LPAR1: variants seen among roughly 807,000 people sequenced by gnomAD.
LPAR1 encodes the protein lysophosphatidic acid receptor 1, also known as LPA receptor 1.
LPAR1 carries 5 observed loss-of-function variants against 23.8 expected under a neutral mutation model. That is an observed-to-expected ratio of 0.21 (90% CI 0.11 to 0.44). The LOEUF (loss-of-function observed/expected upper bound fraction) is 0.44. LPAR1 is among the 20% of genes least tolerant of loss of function. The pLI is 0.99. For missense variants in LPAR1, 311 were observed against 482.8 expected (o/e 0.64, Z 3.33); for synonymous variants, 160 against 164.7 (o/e 0.97, Z 0.22).
At chr9:110,913,785 A>G (rs1296942455) in intron 5 of LPAR1, among the ~76,000 whole-genome samples, 1 of 152,182 alleles carries the variant, frequency 6.6e-6, no homozygotes. Flanking sequence ...CTTCTTAGGC[A>G]GTGGGGATCC....
intron 2 of LPAR1, among the ~76,000 whole-genome samples, chr9:110,976,602 A>T (rs1361411151): frequency 6.6e-6 from 1 of 152,092 alleles, no homozygotes; most frequent in Non-Finnish European, 1.5e-5. Context: ...TTGAGCTTCA[A>T]AACTGTGTTC....
intron 4 of LPAR1, among the ~76,000 whole-genome samples, chr9:110,957,267 G>A (rs1275033178): frequency 1.5e-4 from 22 of 151,134 alleles, no homozygotes; most frequent in Admixed American, 1.4e-3. Flanking sequence ...TGAGGCAAGA[G>A]GAACCCTTGA....
At chr9:110,957,765 C>T (rs2095812840) in intron 4 of LPAR1, among the ~76,000 whole-genome samples, 1 of 152,096 alleles carries the variant, frequency 6.6e-6, no homozygotes, top group Admixed American at 6.5e-5. Context: ...GAAATAAAGG[C>T]ATCCAAATTG....
At chr9:110,888,565 GAAA>G (rs35200514) in intron 5 of LPAR1, among the ~76,000 whole-genome samples, 5,027 of 128,324 alleles carry the variant, frequency 0.039, 269 homozygotes, top group African/African-American at 0.12. Flanking sequence ...GAACCCAGCA[GAAA>G]AAAAAAAAAA....
At chr9:111,035,835 A>G (rs926143793) in intron 2 of LPAR1, among the ~76,000 whole-genome samples, 1 of 152,208 alleles carries the variant, frequency 6.6e-6, no homozygotes. Context: ...TGAAAATGAT[A>G]CAGTGTATTC....
chr9:110,982,114 C>T (rs986349810), intron 2 of LPAR1, among the ~76,000 whole-genome samples: 1 of 152,144 alleles, frequency 6.6e-6, no homozygotes, highest in African/African-American at 2.4e-5. Context: ...ACTCAGCCAT[C>T]CCATTACTGG....
At chr9:110,883,039 A>G (rs543707421) in intron 5 of LPAR1, among the ~76,000 whole-genome samples, 100 of 152,098 alleles carry the variant, frequency 6.6e-4, no homozygotes, top group Non-Finnish European at 1.3e-3. Context: ...TATATCTTGA[A>G]TTTTATTTTA....
intron 5 of LPAR1, among the ~76,000 whole-genome samples, chr9:110,940,041 C>T (rs1309073120): frequency 6.6e-6 from 1 of 152,124 alleles, no homozygotes; most frequent in African/African-American, 2.4e-5. Flanking sequence ...AATAAACATA[C>T]AGAGAAACCA....
At position 110,874,166 on chromosome 9, in the gene LPAR1, C is replaced by A. The variant is rs180838916; in HGVS notation, c.*1255G>T. 1.3e-5 allele frequency: 2 copies of A among 152,596 alleles called. No individual in the cohort carries two copies. The highest frequency in any genetic ancestry group is 2.9e-5 in the Non-Finnish European group (2 of 68,006). The allele number at this position is 152,596 out of a possible 1,614,324, so 9.5% of individuals were successfully genotyped here. A position where few individuals can be genotyped will look rare whatever the true frequency, so the allele number is the denominator to read the frequency against. ...ATCCTAATAATCAATTATATGGAGA[C>A]AGTTTTATGTACACCAAATTTCTGC... On this transcript the variant is annotated 3_prime_UTR_variant, in exon 6 of 6. Coordinates refer to ENST00000683809, the MANE Select transcript of LPAR1 (RefSeq NM_001351411.2).
chr9:110,885,126 T>C (rs1450212043), intron 5 of LPAR1, among the ~76,000 whole-genome samples: 3 of 152,230 alleles, frequency 2.0e-5, no homozygotes, highest in African/African-American at 7.2e-5. Flanking sequence ...TAATATGTAC[T>C]AATTTAGTCA....
chr9:110,902,189 A>C (rs2089402832), intron 5 of LPAR1, among the ~76,000 whole-genome samples: 1 of 151,966 alleles, frequency 6.6e-6, no homozygotes, highest in African/African-American at 2.4e-5. Flanking sequence ...TCCCACTCAG[A>C]CCAAAGGGGA....
At chr9:110,929,698 ATGTGTG>A (rs71371696) in intron 5 of LPAR1, among the ~76,000 whole-genome samples, 19,541 of 146,134 alleles carry the variant, frequency 0.13, 1,323 homozygotes, top group Non-Finnish European at 0.16. Context: ...CCAGCCAATA[ATGTGTG>A]TGTGTGTGTG....
intron 4 of LPAR1, among the ~76,000 whole-genome samples, chr9:110,966,923 A>G (rs949603035): frequency 3.9e-5 from 6 of 152,218 alleles, no homozygotes; most frequent in African/African-American, 1.2e-4. Flanking sequence ...CTGATCAAGC[A>G]CAGGGTAATG....
chr9:110,912,402 A>G (rs1439358808), intron 5 of LPAR1, among the ~76,000 whole-genome samples: 1 of 152,214 alleles, frequency 6.6e-6, no homozygotes, highest in Admixed American at 6.5e-5. Context: ...ACAAAACTTT[A>G]AAACTCTTAT....
chr9:110,993,948 T>C (rs1190431495), intron 2 of LPAR1, among the ~76,000 whole-genome samples: 1 of 152,180 alleles, frequency 6.6e-6, no homozygotes, highest in Non-Finnish European at 1.5e-5. Context: ...GTAAGTTCAT[T>C]TTAATACAAA....
intron 5 of LPAR1, among the ~76,000 whole-genome samples, chr9:110,916,753 T>TA (rs982454018): frequency 6.6e-6 from 1 of 151,954 alleles, no homozygotes; most frequent in African/African-American, 2.4e-5. Flanking sequence ...AACCACCCCC[T>TA]AAAAAAACTC....
rs1485733617 is a variant in LPAR1, at chr9:110,877,648, AC to A, written c.794-1927del. On this transcript the variant is annotated intron_variant, in intron 5 of 5. Coordinates refer to ENST00000683809, the MANE Select transcript of LPAR1 (RefSeq NM_001351411.2). ...AATGCATGGTCCCATTATGCCATTT[AC>A]TTGGAAACTAAAAACACACAGTCCC... Among the ~76,000 whole-genome samples the A allele has an allele frequency of 2.0e-5, 3 of 152,232 alleles. No individual in the cohort carries two copies. The East Asian group carries it at 5.8e-4, about 29-fold the overall frequency.
At chr9:110,994,492 G>A (rs942531871) in intron 2 of LPAR1, among the ~76,000 whole-genome samples, 18 of 152,140 alleles carry the variant, frequency 1.2e-4, no homozygotes, top group African/African-American at 4.3e-4. Flanking sequence ...TGACTATGTT[G>A]AAGAATGTGC....
At chr9:110,925,345 G>T (rs575973234) in intron 5 of LPAR1, among the ~76,000 whole-genome samples, 1 of 152,056 alleles carries the variant, frequency 6.6e-6, no homozygotes, top group South Asian at 2.1e-4. Context: ...TTGAGCAGAT[G>T]CTGAAAAACC....
Sources: allele counts gnomAD v4.1 joint callset (sites outside exome capture counted in the v4.1 genomes callset), GRCh38; gene constraint gnomAD v4.1.1; transcripts MANE v1.5; gene names NCBI Gene and HGNC (gene_info 2026-07-23, HGNC 2026-07-21).